The following CSMD1 variants were observed in gnomAD, a reference collection of about 807,000 sequenced individuals.
The protein encoded by CSMD1 is CUB and Sushi multiple domains 1.
CSMD1 carries 213 observed loss-of-function variants against 417.5 expected under a neutral mutation model. The ratio of observed to expected loss-of-function variants is 0.51; its 90% confidence interval spans 0.46 to 0.57. The LOEUF is 0.57. Among genes scored for constraint, CSMD1 ranks in the 20% least tolerant of loss-of-function variants. CSMD1 has a pLI of 0.00. For missense variants in CSMD1, 6,923 were observed against 4,529.7 expected (o/e 1.53, Z -15.17); for synonymous variants, 2,862 against 1,736.8 (o/e 1.65, Z -16.11).
intron 5 of CSMD1, among the ~76,000 whole-genome samples, chr8:3,852,703 C>A (rs1487727390): frequency 6.6e-6 from 1 of 151,916 alleles, no homozygotes; most frequent in Non-Finnish European, 1.5e-5. Context: ...CCTTTGGAGG[C>A]TGTGAGGGAC....
chr8:4,363,324 G>C (rs1301870999), intron 3 of CSMD1, among the ~76,000 whole-genome samples: 1 of 152,002 alleles, frequency 6.6e-6, no homozygotes, highest in Non-Finnish European at 1.5e-5. Flanking sequence ...TATACTACAG[G>C]TACCCTGCAT....
chr8:3,353,983 A>G (rs991457560), intron 21 of CSMD1, among the ~76,000 whole-genome samples: 3 of 152,230 alleles, frequency 2.0e-5, no homozygotes, highest in Non-Finnish European at 4.4e-5. Flanking sequence ...GCTGTAACAA[A>G]GTACCACAGA....
chr8:3,903,748 T>C (rs922561506), intron 5 of CSMD1, among the ~76,000 whole-genome samples: 1 of 152,176 alleles, frequency 6.6e-6, no homozygotes, highest in African/African-American at 2.4e-5. Context: ...TTTCAGGTGA[T>C]GGACTTTGCC....
intron 2 of CSMD1, among the ~76,000 whole-genome samples, chr8:4,551,767 C>T (rs1259853969): frequency 1.3e-5 from 2 of 152,136 alleles, no homozygotes; most frequent in African/African-American, 4.8e-5. Context: ...TCACTGCAAC[C>T]TCTCAGGCTG....
At chr8:4,067,712 A>G (rs1799325775) in intron 3 of CSMD1, among the ~76,000 whole-genome samples, 1 of 152,192 alleles carries the variant, frequency 6.6e-6, no homozygotes, top group South Asian at 2.1e-4. Flanking sequence ...TCCATGTTAG[A>G]TAGTGTAATT....
At chr8:4,440,189 C>A (rs1303348729) in intron 2 of CSMD1, among the ~76,000 whole-genome samples, 3 of 152,254 alleles carry the variant, frequency 2.0e-5, no homozygotes, top group Middle Eastern at 3.4e-3. Flanking sequence ...ATGTAGAAAT[C>A]TTTTGATCCA....
chr8:4,739,748 C>T (rs1444027737), intron 1 of CSMD1, among the ~76,000 whole-genome samples: 1 of 152,102 alleles, frequency 6.6e-6, no homozygotes, highest in Non-Finnish European at 1.5e-5. Flanking sequence ...CTCCCTATCC[C>T]TTCCCACAAA....
At chr8:4,432,162 A>G (rs1797907718) in intron 2 of CSMD1, among the ~76,000 whole-genome samples, 1 of 152,226 alleles carries the variant, frequency 6.6e-6, no homozygotes, top group Non-Finnish European at 1.5e-5. Flanking sequence ...TTATAAAAAC[A>G]TGATTGGCAA....
intron 1 of CSMD1, among the ~76,000 whole-genome samples, chr8:4,744,020 A>G (rs181999086): frequency 6.6e-6 from 1 of 152,358 alleles, no homozygotes; most frequent in East Asian, 1.9e-4. Flanking sequence ...GCCTGCATCC[A>G]CGCCAGGCTG....
rs541687328 is a variant in CSMD1 at position 3,001,667 on chromosome 8, A to G, written c.8030-1536T>C. Among the ~76,000 whole-genome samples, 4 of 152,358 alleles carry G rather than the reference A, an allele frequency of 2.6e-5. No individual in the cohort carries two copies. In the East Asian group the frequency reaches 7.7e-4, roughly 29 times the overall value. On this transcript the variant is annotated intron_variant, in intron 52 of 69. Coordinates refer to ENST00000635120, the MANE Select transcript of CSMD1 (RefSeq NM_033225.6). The stretch of plus-strand genomic sequence containing the variant: ...AAAGTGAGAGTACCCGTATTCTAAA[A>G]ATAATAATCAATATTTATCTTTGAA...
chr8:4,632,232 T>A (rs1401947957), intron 2 of CSMD1, among the ~76,000 whole-genome samples: 3 of 152,136 alleles, frequency 2.0e-5, no homozygotes, highest in Non-Finnish European at 4.4e-5. Flanking sequence ...CACGAACACT[T>A]ATTGACGATG....
chr8:4,310,396 C>G (rs1798495304), intron 3 of CSMD1, among the ~76,000 whole-genome samples: 1 of 152,118 alleles, frequency 6.6e-6, no homozygotes, highest in Admixed American at 6.6e-5. Flanking sequence ...CTACATGATG[C>G]CCAGTCATTT....
At chr8:3,302,228 G>T (rs533637195) in intron 25 of CSMD1, among the ~76,000 whole-genome samples, 1 of 152,194 alleles carries the variant, frequency 6.6e-6, no homozygotes, top group Non-Finnish European at 1.5e-5. Flanking sequence ...GTTTGGATCA[G>T]CTTCCACCAT....
In CSMD1 at chr8:3,367,286, A is replaced by C. The variant is rs752435141; in HGVS notation, c.2900-39T>G. On this transcript the variant is annotated intron_variant, in intron 19 of 69. Transcript: ENST00000635120. ...CCGGGGGAGAGAGAGAGAGACAGAG[A>C]GAGACACACGGGGCGGCGGGGGCAG... 5.2e-5 allele frequency: 76 copies of C among 1,471,730 alleles called. 1 individual carries two copies. In the South Asian group the frequency reaches 8.7e-4, roughly 17 times the overall value. 91.2% of individuals were successfully genotyped at this position (1,471,730 alleles called of 1,614,324 possible).
chr8:3,926,947 A>G lies in CSMD1; in HGVS notation c.818+70956T>C, dbSNP rs548729621. 2.0e-5 allele frequency among the ~76,000 whole-genome samples: 3 copies of G among 151,794 alleles called. No individual in the cohort carries two copies. In the South Asian group the frequency reaches 6.2e-4, roughly 32 times the overall value. ...GCCAGGATGGTCTCAAACTCCTGACATCGTGATCCACCCACCTCGGCCTCC... is the reference window on the plus strand; with the variant it reads ...GCCAGGATGGTCTCAAACTCCTGACGTCGTGATCCACCCACCTCGGCCTCC... On this transcript the variant is annotated intron_variant, in intron 5 of 69. Transcript: ENST00000635120.
intron 3 of CSMD1, among the ~76,000 whole-genome samples, chr8:4,418,994 C>G (rs1797101785): frequency 6.6e-6 from 1 of 152,180 alleles, no homozygotes; most frequent in African/African-American, 2.4e-5. Context: ...TAATTTTCTG[C>G]TAATTTCACT....
intron 18 of CSMD1, among the ~76,000 whole-genome samples, chr8:3,375,868 T>G (rs1499688): frequency 0.53 from 79,799 of 151,966 alleles, 21,474 homozygotes; most frequent in African/African-American, 0.62. Context: ...GACCTCTTTT[T>G]TTCTCTTTGC....
chr8:4,569,257 T>C (rs1456609872), intron 2 of CSMD1, among the ~76,000 whole-genome samples: 1 of 152,212 alleles, frequency 6.6e-6, no homozygotes, highest in African/African-American at 2.4e-5. Context: ...GGTTTTCTTC[T>C]AGGGTTTTTA....
intron 10 of CSMD1, among the ~76,000 whole-genome samples, chr8:3,497,469 C>A (rs1222045354): frequency 1.3e-5 from 2 of 152,072 alleles, no homozygotes; most frequent in African/African-American, 4.8e-5. Context: ...TGCAGTGGTG[C>A]AATCTCAGCT....
Sources: gnomAD v4.1 joint callset for allele counts (sites outside exome capture counted in the v4.1 genomes callset) on GRCh38, gnomAD v4.1.1 for gene constraint, MANE v1.5 for transcripts, NCBI Gene and HGNC (gene_info 2026-07-23, HGNC 2026-07-21) for gene names.